ADCY2: variants seen among roughly 807,000 people sequenced by gnomAD.
ADCY2 encodes adenylate cyclase 2.
Under a neutral mutation model 125.2 loss-of-function variants are expected in ADCY2, and 31 were observed. The observed-to-expected ratio is 0.25, with a 90% CI of 0.19 to 0.33. The LOEUF (loss-of-function observed/expected upper bound fraction) is 0.33. Ranked by LOEUF, ADCY2 falls within the 10% of genes least tolerant of loss-of-function variation. The pLI is 1.00. For synonymous variants in ADCY2, 512 were observed against 548.4 expected (o/e 0.93, Z 0.93); for missense variants, 904 against 1,418.2 (o/e 0.64, Z 5.82).
intron 22 of ADCY2, among the ~76,000 whole-genome samples, chr5:7,809,712 G>A (rs1318604186): frequency 6.6e-6 from 1 of 152,186 alleles, no homozygotes; most frequent in African/African-American, 2.4e-5. Context: ...CTTACCCATG[G>A]AGAAACAAGT....
At chr5:7,673,006 C>G (rs1739984196) in intron 4 of ADCY2, among the ~76,000 whole-genome samples, 1 of 151,924 alleles carries the variant, frequency 6.6e-6, no homozygotes, top group South Asian at 2.1e-4. Context: ...GTATCCCACA[C>G]CACACAGAGG....
At chr5:7,489,715 A>G (rs1743088107) in intron 2 of ADCY2, among the ~76,000 whole-genome samples, 1 of 152,186 alleles carries the variant, frequency 6.6e-6, no homozygotes, top group Admixed American at 6.5e-5. Flanking sequence ...TCCAACCCCA[A>G]CTGGAGGAGG....
chr5:7,534,088 G>A lies in ADCY2; in HGVS notation c.570+13189G>A, dbSNP rs181896199. On this transcript the variant is annotated intron_variant, in intron 3 of 24. Transcript: ENST00000338316. The stretch of plus-strand genomic sequence containing the variant: ...GAATCCAGCAGGGGCTCCTGCCAGC[G>A]TTCATACCATTGTCAACTCATTGAC... Among the ~76,000 whole-genome samples the A allele has an allele frequency of 7.2e-5, 11 of 152,320 alleles. No individual in the cohort carries two copies. In the East Asian group the frequency reaches 9.7e-4, roughly 13 times the overall value.
At chr5:7,703,074 T>G (rs1262076463) in intron 7 of ADCY2, among the ~76,000 whole-genome samples, 1 of 149,194 alleles carries the variant, frequency 6.7e-6, no homozygotes, top group Non-Finnish European at 1.5e-5. Context: ...TTGATGGGGT[T>G]GTTTGATTTT....
rs748815042 is a variant in ADCY2 at position 7,405,303 on chromosome 5, CT to C, written c.210+8814del. On this transcript the variant is annotated intron_variant, in intron 1 of 24. Transcript: ENST00000338316. Reference sequence around the variant, plus strand: ...AAAAACTTAACAGATTTGAACTACTCTTTTTTTTTTTTTTTTTAGCTCATAA... The same window carrying C: ...AAAAACTTAACAGATTTGAACTACTCTTTTTTTTTTTTTTTTAGCTCATAA... Among the ~76,000 whole-genome samples, 750 of 136,438 alleles carry C rather than the reference CT, an allele frequency of 5.5e-3. 1 individual carries two copies. Among genetic ancestry groups the C allele is most frequent in the Middle Eastern group, 0.012 (3 of 248 alleles). The allele number at this position is 136,438 out of a possible 152,430, so 89.5% of individuals were successfully genotyped here.
chr5:7,473,253 C>T (rs1742404902), intron 2 of ADCY2, among the ~76,000 whole-genome samples: 1 of 152,156 alleles, frequency 6.6e-6, no homozygotes, highest in African/African-American at 2.4e-5. Context: ...GCTGGATGCA[C>T]AAGAAGCATG....
intron 6 of ADCY2, 61 bp from the exon 7 acceptor site, chr5:7,698,186 T>C: frequency 6.2e-7 from 1 of 1,603,498 alleles, no homozygotes; most frequent in Non-Finnish European, 8.5e-7. Context: ...TGATATTACA[T>C]GAATCTAGAT....
chr5:7,489,617 C>G (rs565494262), intron 2 of ADCY2, among the ~76,000 whole-genome samples: 1 of 152,318 alleles, frequency 6.6e-6, no homozygotes, highest in East Asian at 1.9e-4. Context: ...CATCTTCCAC[C>G]ATGATTGTGA....
intron 15 of ADCY2, among the ~76,000 whole-genome samples, chr5:7,756,677 G>A (rs1743002182): frequency 6.6e-6 from 1 of 152,106 alleles, no homozygotes; most frequent in Non-Finnish European, 1.5e-5. Context: ...GGGGCTGGGA[G>A]GAGGGAGGAA....
chr5:7,667,928 C>T (rs771269067), intron 4 of ADCY2, among the ~76,000 whole-genome samples: 1 of 152,148 alleles, frequency 6.6e-6, no homozygotes, highest in Non-Finnish European at 1.5e-5. Flanking sequence ...TCTTTGCTGA[C>T]AGCTACCTGT....
chr5:7,424,618 G>A (rs910472663), intron 2 of ADCY2, among the ~76,000 whole-genome samples: 4 of 152,238 alleles, frequency 2.6e-5, no homozygotes, highest in Non-Finnish European at 5.9e-5. Flanking sequence ...TTCGTGGGGA[G>A]GGAGCAGTTT....
intron 17 of ADCY2, among the ~76,000 whole-genome samples, chr5:7,767,104 AT>A (rs1743407234): frequency 6.6e-6 from 1 of 152,220 alleles, no homozygotes; most frequent in Non-Finnish European, 1.5e-5. Context: ...ATGGCATTCA[AT>A]TATAAGGCAC....
intron 4 of ADCY2, among the ~76,000 whole-genome samples, chr5:7,653,259 G>C (rs138887532): frequency 4.7e-4 from 72 of 152,098 alleles, no homozygotes; most frequent in African/African-American, 1.7e-3. Context: ...GTGTGGACTC[G>C]AGCCGGCCAG....
chr5:7,698,545 C>A (rs547080785), intron 7 of ADCY2, among the ~76,000 whole-genome samples, 171 bp downstream of exon 7: 1 of 152,270 alleles, frequency 6.6e-6, no homozygotes, highest in Admixed American at 6.5e-5. Flanking sequence ...CCCCTCACCC[C>A]CTCCCCAACA....
chr5:7,545,580 C>A (rs1735122983), intron 3 of ADCY2, among the ~76,000 whole-genome samples: 1 of 152,132 alleles, frequency 6.6e-6, no homozygotes. Flanking sequence ...TCTGCCCCCG[C>A]CCCAAAGTCA....
rs1745556373 is a variant in ADCY2 at position 7,828,515 on chromosome 5, G to C, written c.*1644G>C. 1 of 152,270 alleles carries C rather than the reference G, an allele frequency of 6.6e-6. No homozygotes were observed. The highest frequency in any genetic ancestry group is 2.4e-5 in the African/African-American group (1 of 41,446). 9.4% of individuals were successfully genotyped at this position (152,270 alleles called of 1,614,324 possible). A position where few individuals can be genotyped will look rare whatever the true frequency, so the allele number is the denominator to read the frequency against. On this transcript the variant is annotated 3_prime_UTR_variant, in exon 25 of 25. Coordinates refer to ENST00000338316, the MANE Select transcript of ADCY2 (RefSeq NM_020546.3). Reference sequence around the variant, plus strand: ...CGGGCACAGCTGCTGTGCCAGGACTGTGACTCATTCCCAGTAAAAGGCACT... The same window carrying C: ...CGGGCACAGCTGCTGTGCCAGGACTCTGACTCATTCCCAGTAAAAGGCACT...
chr5:7,606,955 C>A (rs541923799), intron 3 of ADCY2, among the ~76,000 whole-genome samples: 47 of 152,222 alleles, frequency 3.1e-4, no homozygotes, highest in African/African-American at 1.1e-3. Context: ...GTTCTTAGTT[C>A]ACCTGTTGCT....
rs535254477 is a variant in ADCY2, at chr5:7,709,931, T to C, written c.1578+544T>C. On this transcript the variant is annotated intron_variant, in intron 10 of 24. Coordinates refer to ENST00000338316, the MANE Select transcript of ADCY2 (RefSeq NM_020546.3). The surrounding 1 kb of genome is among the most constrained non-coding windows in gnomAD (Gnocchi z 4.4). ...AGATGGCTGCAATGGAGAAGGAAAA[T>C]AGAAAGGCCCATAGGAGGAGAGAAA... is the stretch of plus-strand genomic sequence containing the variant. 9.5e-4 allele frequency among the ~76,000 whole-genome samples: 144 copies of C among 152,070 alleles called. 1 individual carries two copies. The highest frequency in any genetic ancestry group is 1.6e-3 in the Non-Finnish European group (107 of 67,992).
intron 3 of ADCY2, among the ~76,000 whole-genome samples, chr5:7,525,050 T>C (rs1734407532): frequency 1.3e-5 from 2 of 152,176 alleles, no homozygotes; most frequent in Non-Finnish European, 2.9e-5. Context: ...TCACCCAGGC[T>C]GGAGTGCAGT....
Sources: gnomAD v4.1 joint callset for allele counts (sites outside exome capture counted in the v4.1 genomes callset) on GRCh38, gnomAD v4.1.1 for gene constraint, Gnocchi (gnomAD v3.1) non-coding constraint, MANE v1.5 for transcripts, NCBI Gene and HGNC (gene_info 2026-07-23, HGNC 2026-07-21) for gene names.